WWOX: variants seen among roughly 807,000 people sequenced by gnomAD.
The protein encoded by WWOX is WW domain containing oxidoreductase.
WWOX carries 69 observed loss-of-function variants against 46.2 expected under a neutral mutation model. The observed-to-expected ratio is 1.49, with a 90% confidence interval of 1.23 to 1.82. WWOX has a LOEUF of 1.82. WWOX is among the 40% of genes most tolerant of loss of function. WWOX has a pLI of 0.00. For missense variants in WWOX, 919 were observed against 542.6 expected, an observed-to-expected ratio of 1.69 and a Z score of -6.89; for synonymous variants, 359 against 202.6, an observed-to-expected ratio of 1.77 and a Z score of -6.56.
At chr16:78,654,899 G>A (rs2047047468) in intron 8 of WWOX, among the ~76,000 whole-genome samples, 1 of 152,024 alleles carries the variant, frequency 6.6e-6, no homozygotes, top group Admixed American at 6.5e-5. Context: ...ATGCATATGT[G>A]TATGTGTGTG....
At chr16:78,400,404 G>C (rs2082384163) in intron 6 of WWOX, among the ~76,000 whole-genome samples, 1 of 152,150 alleles carries the variant, frequency 6.6e-6, no homozygotes, top group African/African-American at 2.4e-5. Context: ...CCCCAGCTTG[G>C]CTGTGTGAGG....
At chr16:78,634,404 A>G (rs2046513706) in intron 8 of WWOX, among the ~76,000 whole-genome samples, 1 of 152,058 alleles carries the variant, frequency 6.6e-6, no homozygotes. Flanking sequence ...GAGCAAGTGG[A>G]GCTGTTCAAA....
intron 4 of WWOX, among the ~76,000 whole-genome samples, chr16:78,121,952 T>G (rs2151684145): frequency 6.6e-6 from 1 of 152,298 alleles, no homozygotes; most frequent in East Asian, 1.9e-4. Flanking sequence ...TGAACCGCTG[T>G]GCCTGGCCCG....
At chr16:78,294,175 A>T (rs1400799826) in intron 5 of WWOX, among the ~76,000 whole-genome samples, 1 of 152,000 alleles carries the variant, frequency 6.6e-6, no homozygotes, top group Non-Finnish European at 1.5e-5. Flanking sequence ...AGATAGAGCC[A>T]TAAGGATTCT....
intron 5 of WWOX, among the ~76,000 whole-genome samples, chr16:78,275,942 C>T (rs1217106829): frequency 2.0e-5 from 3 of 152,004 alleles, no homozygotes; most frequent in Non-Finnish European, 4.4e-5. Flanking sequence ...GGGCTCTGCT[C>T]TGCCTCTAAT....
At chr16:78,618,007 G>C (rs958432659) in intron 8 of WWOX, among the ~76,000 whole-genome samples, 2 of 152,088 alleles carry the variant, frequency 1.3e-5, no homozygotes, top group Admixed American at 1.3e-4. Context: ...TGTTTATTGA[G>C]CACCTGCTAT....
At chr16:78,674,278 CTT>C (rs11386735) in intron 8 of WWOX, among the ~76,000 whole-genome samples, 2 of 138,708 alleles carry the variant, frequency 1.4e-5, no homozygotes, top group Non-Finnish European at 3.1e-5. Flanking sequence ...ACCAGTTCAT[CTT>C]TTTTTTTTTT....
chr16:78,748,516 G>T (rs1019079061), intron 8 of WWOX, among the ~76,000 whole-genome samples: 1 of 152,034 alleles, frequency 6.6e-6, no homozygotes, highest in Non-Finnish European at 1.5e-5. Flanking sequence ...TTCTTATTAG[G>T]GTCTTGCCCC....
At chr16:78,633,994 G>A (rs1110519) in intron 8 of WWOX, among the ~76,000 whole-genome samples, 63,243 of 151,430 alleles carry the variant, frequency 0.42, 15,776 homozygotes, top group Middle Eastern at 0.57. Flanking sequence ...CCCCTAGAGA[G>A]ACCAAAGAGG....
At chr16:78,675,589 A>G (rs547727460) in intron 8 of WWOX, among the ~76,000 whole-genome samples, 164 of 152,310 alleles carry the variant, frequency 1.1e-3, no homozygotes, top group Non-Finnish European at 1.9e-3. Flanking sequence ...AGAGCAGTGA[A>G]AAGACTCCCG....
At chr16:79,064,693 TAG>T (rs1332583878) in intron 8 of WWOX, among the ~76,000 whole-genome samples, 4 of 152,202 alleles carry the variant, frequency 2.6e-5, no homozygotes. Context: ...ATGGTGACAG[TAG>T]AGAGTCAGCC....
intron 6 of WWOX, among the ~76,000 whole-genome samples, chr16:78,399,338 C>T (rs947970193): frequency 6.6e-6 from 1 of 152,050 alleles, no homozygotes; most frequent in African/African-American, 2.4e-5. Flanking sequence ...GAAACAACTT[C>T]TAAAGTAATC....
At chr16:78,829,812 C>T (rs1269621558) in intron 8 of WWOX, among the ~76,000 whole-genome samples, 1 of 152,172 alleles carries the variant, frequency 6.6e-6, no homozygotes, top group African/African-American at 2.4e-5. Flanking sequence ...ACTCCTAATT[C>T]CAGAGCTCCT....
At chr16:78,184,779 C>T (rs1025360528) in intron 5 of WWOX, among the ~76,000 whole-genome samples, 2 of 152,182 alleles carry the variant, frequency 1.3e-5, no homozygotes, top group African/African-American at 4.8e-5. Context: ...AGCCCTCATA[C>T]TCAGAGAGAT....
At chr16:79,054,680 C>G (rs1177739522) in intron 8 of WWOX, among the ~76,000 whole-genome samples, 1 of 151,978 alleles carries the variant, frequency 6.6e-6, no homozygotes, top group Admixed American at 6.6e-5. Context: ...AAATAATTAG[C>G]CAGGCGTGGT....
chr16:78,973,397 C>G (rs1451476777), intron 8 of WWOX, among the ~76,000 whole-genome samples: 2 of 152,148 alleles, frequency 1.3e-5, no homozygotes, highest in Admixed American at 6.5e-5. Context: ...CCACTTTTAA[C>G]AGCACAATAC....
intron 8 of WWOX, among the ~76,000 whole-genome samples, chr16:78,640,224 G>A (rs1344351983): frequency 9.4e-6 from 1 of 106,062 alleles, no homozygotes; most frequent in East Asian, 2.9e-4. Flanking sequence ...TCTTGTTGTT[G>A]GGTTTTTTTT....
chr16:78,104,787 A>C (rs531771555), intron 1 of WWOX, among the ~76,000 whole-genome samples: 41 of 152,336 alleles, frequency 2.7e-4, no homozygotes, highest in African/African-American at 9.1e-4. Flanking sequence ...TATTAAAAAA[A>C]AGTCTTCTAT....
chr16:78,771,061 G>C (rs1046230553), intron 8 of WWOX, among the ~76,000 whole-genome samples: 2 of 152,232 alleles, frequency 1.3e-5, no homozygotes, highest in African/African-American at 2.4e-5. Context: ...AAGGCCCTCA[G>C]GTCAGCCGGC....
Sources: allele counts gnomAD v4.1 joint callset (sites outside exome capture counted in the v4.1 genomes callset), GRCh38; gene constraint gnomAD v4.1.1; transcripts MANE v1.5; gene names NCBI Gene and HGNC (gene_info 2026-07-23, HGNC 2026-07-21).